Variants in CADPS observed in about 807,000 individuals in gnomAD.
CADPS encodes the protein calcium dependent secretion activator, also known as calcium-dependent secretion activator 1.
In CADPS, 57 loss-of-function variants were observed where a neutral mutation model predicts 167.3. The observed-to-expected ratio is 0.34, with a 90% CI of 0.28 to 0.42. The LOEUF (loss-of-function observed/expected upper bound fraction) is 0.42. CADPS is among the 20% of genes least tolerant of loss of function. The pLI is 1.00. For synonymous variants in CADPS, 676 were observed against 635.3 expected (o/e 1.06, Z -0.96); for missense variants, 1,414 against 1,738.1 (o/e 0.81, Z 3.32).
chr3:62,408,529 G>A (rs1168509593), intron 28 of CADPS, among the ~76,000 whole-genome samples: 1 of 152,088 alleles, frequency 6.6e-6, no homozygotes, highest in Non-Finnish European at 1.5e-5. Context: ...CACCTTACTG[G>A]ACATTATAGG....
At chr3:62,683,810 TG>T (rs1220305774) in intron 3 of CADPS, among the ~76,000 whole-genome samples, 1 of 152,064 alleles carries the variant, frequency 6.6e-6, no homozygotes, top group Non-Finnish European at 1.5e-5. Context: ...TTTTGTGGAA[TG>T]TCCCTTGATT....
rs181249946 is a variant in CADPS, at chr3:62,805,638, G to A, written c.442-39654C>T. Among the ~76,000 whole-genome samples, 3 of 152,236 alleles carry A rather than the reference G, an allele frequency of 2.0e-5. No individual in the cohort carries two copies. The East Asian group carries it at 5.8e-4, about 29-fold the overall frequency. On this transcript the variant is annotated intron_variant, in intron 1 of 29. Coordinates refer to ENST00000383710, the MANE Select transcript of CADPS (RefSeq NM_003716.4). Reference sequence around the variant, plus strand: ...GCAGCTGTGCTAACTGAAGGCTGGAGAGGCTCTGCTGCCTAATCTCATTTT... The same window carrying A: ...GCAGCTGTGCTAACTGAAGGCTGGAAAGGCTCTGCTGCCTAATCTCATTTT...
rs911976727 is a variant in CADPS, at chr3:62,626,378, G to A, written c.1325+19344C>T. On this transcript the variant is annotated intron_variant, in intron 6 of 29. Transcript: ENST00000383710. Reference sequence around the variant, plus strand: ...GAAAAGAAACCATGGAATGCTCTAGGAAAAACACCCAAAAGGATGAGTGTA... The same window carrying A: ...GAAAAGAAACCATGGAATGCTCTAGAAAAAACACCCAAAAGGATGAGTGTA... The A allele has an allele frequency of 1.1e-5, 6 of 541,846 alleles. No individual in the cohort carries two copies. The African/African-American group carries it at 1.2e-4, about 10-fold the overall frequency. The allele number at this position is 541,846 out of a possible 1,614,324, so 33.6% of individuals were successfully genotyped here.
intron 21 of CADPS, among the ~76,000 whole-genome samples, chr3:62,485,695 A>G (rs1196299811): frequency 1.3e-5 from 2 of 152,210 alleles, no homozygotes; most frequent in Non-Finnish European, 2.9e-5. Flanking sequence ...TCTTTAACAA[A>G]TATGGCAATT....
chr3:62,480,547 C>T (rs939541239), intron 22 of CADPS, among the ~76,000 whole-genome samples: 2 of 152,128 alleles, frequency 1.3e-5, no homozygotes, highest in East Asian at 3.9e-4. Context: ...TTTGGAGGAG[C>T]CAGCTAGAGC....
intron 10 of CADPS, among the ~76,000 whole-genome samples, chr3:62,553,080 G>C (rs2077566790): frequency 6.6e-6 from 1 of 152,204 alleles, no homozygotes; most frequent in Non-Finnish European, 1.5e-5. Flanking sequence ...CTGTAGCCTA[G>C]TCTCGTGGTA....
chr3:62,474,956 G>A (rs930028410), intron 23 of CADPS, among the ~76,000 whole-genome samples: 3 of 152,258 alleles, frequency 2.0e-5, no homozygotes, highest in Middle Eastern at 3.4e-3. Flanking sequence ...GGGAAATTAG[G>A]AGGTGTGGTA....
intron 28 of CADPS, among the ~76,000 whole-genome samples, chr3:62,418,316 TTTTC>T (rs892854025): frequency 6.7e-6 from 1 of 148,450 alleles, no homozygotes; most frequent in African/African-American, 2.5e-5. Context: ...TTCTTTTCTT[TTTTC>T]TCTCTTTTTT....
chr3:62,551,444 T>C (rs995302115), intron 10 of CADPS, among the ~76,000 whole-genome samples: 2 of 152,344 alleles, frequency 1.3e-5, no homozygotes, highest in South Asian at 2.1e-4. Context: ...ATTATTTTAA[T>C]AGCCTCCTAT....
intron 3 of CADPS, among the ~76,000 whole-genome samples, chr3:62,689,680 T>C (rs1216242346): frequency 1.3e-5 from 2 of 152,128 alleles, no homozygotes; most frequent in Non-Finnish European, 2.9e-5. Context: ...AATTTCTTCC[T>C]GCCAAGTAAC....
intron 1 of CADPS, among the ~76,000 whole-genome samples, chr3:62,845,084 T>G (rs566227005): frequency 6.6e-6 from 1 of 152,316 alleles, no homozygotes; most frequent in African/African-American, 2.4e-5. Flanking sequence ...CAGGATGCTA[T>G]CACTGTGGGT....
chr3:62,741,802 A>G (rs1361376399), intron 3 of CADPS, among the ~76,000 whole-genome samples: 1 of 152,154 alleles, frequency 6.6e-6, no homozygotes, highest in African/African-American at 2.4e-5. Context: ...AGAAAAAAAG[A>G]GCATCCAAAT....
In CADPS at chr3:62,774,110, T is replaced by C. The variant is rs577446914; in HGVS notation, c.442-8126A>G. On this transcript the variant is annotated intron_variant, in intron 1 of 29. Transcript: ENST00000383710. The stretch of plus-strand genomic sequence containing the variant: ...AGGAAAAAAATAGGAAAAATGCATC[T>C]AGAAGGTGAGTTGGGGCTAAAGATT... Among the ~76,000 whole-genome samples the C allele has an allele frequency of 3.3e-5, 5 of 151,950 alleles. No individual in the cohort carries two copies. In the South Asian group the frequency reaches 8.3e-4, roughly 25 times the overall value.
chr3:62,856,780 T>C (rs1014994448), intron 1 of CADPS, among the ~76,000 whole-genome samples: 11 of 152,040 alleles, frequency 7.2e-5, no homozygotes, highest in African/African-American at 2.6e-4. Context: ...ATCTATGATA[T>C]TGAACTGGCT....
At chr3:62,792,258 T>C (rs2093012768) in intron 1 of CADPS, among the ~76,000 whole-genome samples, 1 of 151,504 alleles carries the variant, frequency 6.6e-6, no homozygotes, top group Non-Finnish European at 1.5e-5. Flanking sequence ...AGTGCAATGG[T>C]GTGATCACAG....
intron 3 of CADPS, among the ~76,000 whole-genome samples, chr3:62,721,848 G>C (rs1402267887): frequency 6.6e-6 from 1 of 152,122 alleles, no homozygotes; most frequent in Non-Finnish European, 1.5e-5. Context: ...CAGAGGTAGG[G>C]GAAGTTTAAG....
chr3:62,808,799 C>A (rs67975136), intron 1 of CADPS, among the ~76,000 whole-genome samples: 1 of 152,128 alleles, frequency 6.6e-6, no homozygotes, highest in East Asian at 1.9e-4. Flanking sequence ...AAGCACTAGA[C>A]TCTTAGATCC....
chr3:62,459,642 T>C (rs576249125), intron 26 of CADPS, among the ~76,000 whole-genome samples: 5 of 152,226 alleles, frequency 3.3e-5, no homozygotes, highest in Non-Finnish European at 5.9e-5. Context: ...CTTTGGTCCA[T>C]AGTTACACTG....
Position 62,550,102 on chromosome 3 carries a change from G to T in CADPS, c.1767C>A (p.Gly589=), listed in dbSNP as rs770019769. Residue 589 remains glycine (G), a synonymous_variant, in exon 11 of 30, where the codon GGC becomes GGA. Transcript: ENST00000383710. ...YTDPQPGLEG[G]RAFFNAVKEG... ...CCTTGACAGCATTGAAGAAGGCTCG[G>T]CCACCCTCCAAACCTGGAAGAAAAG... 1 of 1,613,890 alleles carries T rather than the reference G, an allele frequency of 6.2e-7. No individual in the cohort carries two copies. Among genetic ancestry groups the T allele is most frequent in the East Asian group, 2.2e-5 (1 of 44,850 alleles).
Sources: gnomAD v4.1 joint callset for allele counts (sites outside exome capture counted in the v4.1 genomes callset) on GRCh38, gnomAD v4.1.1 for gene constraint, MANE v1.5 for transcripts, NCBI Gene and HGNC (gene_info 2026-07-23, HGNC 2026-07-21) for gene names.